Variants in SBNO2 observed in about 807,000 individuals in gnomAD.
The protein encoded by SBNO2 is protein strawberry notch homolog 2.
Under a neutral mutation model 146.3 loss-of-function variants are expected in SBNO2, and 89 were observed. That is an observed-to-expected ratio of 0.61 (90% confidence interval 0.51 to 0.73). The LOEUF is 0.73. SBNO2 is among the 30% of genes least tolerant of loss of function. The pLI is 0.00. For synonymous variants in SBNO2, 1,147 were observed against 892.6 expected (o/e 1.29, Z -5.08); for missense variants, 2,092 against 2,003.7 (o/e 1.04, Z -0.84).
chr19:1,109,856 G>T lies in SBNO2; in HGVS notation c.3029-79C>A. On this transcript the variant is annotated intron_variant, in intron 26 of 31. Transcript: ENST00000361757. The surrounding 1 kb of genome is among the most constrained non-coding windows in gnomAD (Gnocchi z 4.2). The stretch of plus-strand genomic sequence containing the variant: ...GGCCAGGGTCAGTCCCGTAGCCGGG[G>T]CGCACCCTAGAGACGACCCCCCGAG... 9.0e-7 allele frequency: 1 copy of T among 1,108,222 alleles called. No individual in the cohort carries two copies. Among genetic ancestry groups the T allele is most frequent in the Non-Finnish European group, 1.3e-6 (1 of 772,360 alleles). The allele number at this position is 1,108,222 out of a possible 1,614,324, so 68.6% of individuals were successfully genotyped here.
chr19:1,147,452 T>TGGGGGGGGGGGGG (rs2080203522), intron 3 of SBNO2, 32 bp from the exon 4 acceptor site: 1 of 904,448 alleles, frequency 1.1e-6, no homozygotes, highest in African/African-American at 2.0e-5. Context: ...GGAGGTGAGA[T>TGGGGGGGGGGGGG]GGGGTGCTCA....
At position 1,136,529 on chromosome 19, in the gene SBNO2, G is replaced by C. The variant is rs940798792; in HGVS notation, c.280-8764C>G. On this transcript the variant is annotated intron_variant, in intron 4 of 31. Transcript: ENST00000361757. The surrounding 1 kb of genome is among the most constrained non-coding windows in gnomAD (Gnocchi z 4.2). The stretch of plus-strand genomic sequence containing the variant: ...GCCCTGGGCGGAGGCTCCTCCTCCC[G>C]GGGGGGCTGTGGCCTCAGCACAGAC... Among the ~76,000 whole-genome samples, 2 of 152,258 alleles carry C rather than the reference G, an allele frequency of 1.3e-5. No homozygotes were observed. Among genetic ancestry groups the C allele is most frequent in the African/African-American group, 4.8e-5 (2 of 41,558 alleles).
rs778514504 is a variant in SBNO2, at chr19:1,123,628, C to T, written c.534G>A (p.Val178=). ...PLLVSYQEQS[V]QSQPEEEDEA... ...CGTCCTCCTCCTCTGGCTGGCTCTG[C>T]ACACTCTGCTCCTGCGTGCGTGGCG... The change falls in exon 7 of 32, where the codon GTG becomes GTA. Residue 178 remains valine (V), a synonymous_variant. Coordinates refer to ENST00000361757, the MANE Select transcript of SBNO2 (RefSeq NM_014963.3). The T allele has an allele frequency of 1.2e-6, 2 of 1,612,538 alleles. No individual in the cohort carries two copies. Among genetic ancestry groups the T allele is most frequent in the Non-Finnish European group, 1.7e-6 (2 of 1,179,550 alleles).
chr19:1,139,011 T>C (rs1264803438), intron 4 of SBNO2, among the ~76,000 whole-genome samples: 4 of 151,670 alleles, frequency 2.6e-5, no homozygotes, highest in African/African-American at 9.7e-5. Flanking sequence ...ACAGACACTG[T>C]GGTACCTGGT....
Position 1,109,806 on chromosome 19 carries a change from GT to G in SBNO2, c.3029-30del. 6.6e-7 allele frequency: 1 copy of G among 1,521,588 alleles called. No individual in the cohort carries two copies. The highest frequency in any genetic ancestry group is 1.2e-5 in the South Asian group (1 of 81,454). The allele number at this position is 1,521,588 out of a possible 1,614,324, so 94.3% of individuals were successfully genotyped here. A position where few individuals can be genotyped will look rare whatever the true frequency, so the allele number is the denominator to read the frequency against. On this transcript the variant is annotated intron_variant, in intron 26 of 31. Coordinates refer to ENST00000361757, the MANE Select transcript of SBNO2 (RefSeq NM_014963.3). This position sits in a 1 kb window ranked among gnomAD's most constrained non-coding sequence, Gnocchi z 4.2. ...GGGGGGCGGGTGGAGGGTAAGTGGT[GT>G]CCAGGCCTGGGACTGTGGGCTGGGG...
intron 5 of SBNO2, among the ~76,000 whole-genome samples, chr19:1,124,304 C>A (rs73918330): frequency 6.6e-6 from 1 of 152,112 alleles, no homozygotes; most frequent in Non-Finnish European, 1.5e-5. Context: ...CTGGAGTGCC[C>A]GGGAGGAAGG....
At chr19:1,153,050 G>A (rs1167739110) in intron 2 of SBNO2, among the ~76,000 whole-genome samples, 3 of 151,836 alleles carry the variant, frequency 2.0e-5, no homozygotes, top group African/African-American at 2.4e-5. Flanking sequence ...AGCTACTCAG[G>A]AGGCTGAGGC....
Position 1,157,158 on chromosome 19 carries a change from T to C in SBNO2, c.-126-2756A>G, listed in dbSNP as rs2080298619. Among the ~76,000 whole-genome samples, 1 of 151,474 alleles carries C rather than the reference T, an allele frequency of 6.6e-6. No individual in the cohort carries two copies. The highest frequency in any genetic ancestry group is 2.4e-5 in the African/African-American group (1 of 41,216). ...CCCCCAAGGGCTGGCTCCCACCCCATGGTCCTGAGCCCTCCGGACCCTTCC... is the reference window on the plus strand; with the variant it reads ...CCCCCAAGGGCTGGCTCCCACCCCACGGTCCTGAGCCCTCCGGACCCTTCC... On this transcript the variant is annotated intron_variant, in intron 1 of 31. Transcript: ENST00000361757. This position sits in a 1 kb window ranked among gnomAD's most constrained non-coding sequence, Gnocchi z 6.8.
In SBNO2 at chr19:1,136,581, G is replaced by A. The variant is rs1252222982; in HGVS notation, c.280-8816C>T. On this transcript the variant is annotated intron_variant, in intron 4 of 31. Coordinates refer to ENST00000361757, the MANE Select transcript of SBNO2 (RefSeq NM_014963.3). This position sits in a 1 kb window ranked among gnomAD's most constrained non-coding sequence, Gnocchi z 4.2. ...AGGGGACAGAAGGTGGCTCTTCTTG[G>A]CCTTGGCTGGGTGTGAACCAAAGAC... 6.6e-6 allele frequency among the ~76,000 whole-genome samples: 1 copy of A among 152,202 alleles called. No individual in the cohort carries two copies. The highest frequency in any genetic ancestry group is 1.9e-4 in the East Asian group (1 of 5,186).
At chr19:1,123,696 G>A in intron 6 of SBNO2, 57 bp from the exon 7 acceptor site, 1 of 1,512,542 alleles carries the variant, frequency 6.6e-7, no homozygotes, top group Non-Finnish European at 9.0e-7. Flanking sequence ...CGCGGGCACT[G>A]GGCTCCCCCA....
intron 1 of SBNO2, among the ~76,000 whole-genome samples, chr19:1,163,468 C>A (rs2080369640): frequency 6.6e-6 from 1 of 152,224 alleles, no homozygotes; most frequent in African/African-American, 2.4e-5. Context: ...AGCACTGCTG[C>A]GGCCGCCACG....
chr19:1,119,255 C>CG, intron 13 of SBNO2, 91 bp from the exon 14 acceptor site: 2 of 1,455,008 alleles, frequency 1.4e-6, no homozygotes, highest in Non-Finnish European at 1.8e-6. Flanking sequence ...GCAGAGAGGG[C>CG]GGGGTCGGCA....
At chr19:1,138,499 A>C (rs1012204692) in intron 4 of SBNO2, among the ~76,000 whole-genome samples, 2 of 152,000 alleles carry the variant, frequency 1.3e-5, no homozygotes, top group Admixed American at 6.6e-5. Flanking sequence ...GCTGCTGTCA[A>C]CCCATACCTA....
In SBNO2 at chr19:1,158,634, C is replaced by T. The variant is rs888831900; in HGVS notation, c.-126-4232G>A. 6.6e-6 allele frequency among the ~76,000 whole-genome samples: 1 copy of T among 152,174 alleles called. No homozygotes were observed. Among genetic ancestry groups the T allele is most frequent in the Non-Finnish European group, 1.5e-5 (1 of 68,026 alleles). On this transcript the variant is annotated intron_variant, in intron 1 of 31. Coordinates refer to ENST00000361757, the MANE Select transcript of SBNO2 (RefSeq NM_014963.3). The surrounding 1 kb of genome is among the most constrained non-coding windows in gnomAD (Gnocchi z 9.9). ...AGGTCTGAGGAGGAGGCGGCGAGGC[C>T]CGGGCGAGCGGGCGCGACCGTGGTG...
rs1281893422 is a variant in SBNO2, at chr19:1,111,038, G to A, written c.2865C>T (p.Gly955=). The A allele has an allele frequency of 1.3e-6, 2 of 1,575,264 alleles. No homozygotes were observed. The highest frequency in any genetic ancestry group is 1.4e-5 in the African/African-American group (1 of 73,880). Residue 955 remains glycine (G), a synonymous_variant, in exon 25 of 32, where the codon GGC becomes GGT. Coordinates refer to ENST00000361757, the MANE Select transcript of SBNO2 (RefSeq NM_014963.3). ...VGIGGRESRN[G]CLDVEKDCSI... is the part of the protein sequence containing the mutation. ...ACTCACCCTTCTCCACGTCCAGGCA[G>A]CCATTCCGGGACTCCCGGCCACCAA... is the stretch of plus-strand genomic sequence containing the variant.
chr19:1,109,194 G>GGCCTCCTCC lies in SBNO2; in HGVS notation c.3357_3365dup (p.Glu1120_Ala1122dup). On this transcript the variant is annotated inframe_insertion, in exon 30 of 32. Transcript: ENST00000361757. This position sits in a 1 kb window ranked among gnomAD's most constrained non-coding sequence, Gnocchi z 4.2. ...CGTAGCCACTCTCCCAGGGCTCCTT[G>GGCCTCCTCC]GCCTCCTCCGCGGTGACCTAGGGAC... 6.4e-7 allele frequency: 1 copy of GGCCTCCTCC among 1,563,814 alleles called. No individual in the cohort carries two copies. Among genetic ancestry groups the GGCCTCCTCC allele is most frequent in the Non-Finnish European group, 8.7e-7 (1 of 1,155,152 alleles).
In SBNO2 at chr19:1,140,386, A is replaced by G. The variant is rs1225974687; in HGVS notation, c.279+6923T>C. ...GCACACCGCGGCAGGGGGCCCCACCAGGACACACGGGGCTGAGCCATCACC... is the reference window on the plus strand; with the variant it reads ...GCACACCGCGGCAGGGGGCCCCACCGGGACACACGGGGCTGAGCCATCACC... On this transcript the variant is annotated intron_variant, in intron 4 of 31. Coordinates refer to ENST00000361757, the MANE Select transcript of SBNO2 (RefSeq NM_014963.3). This position sits in a 1 kb window ranked among gnomAD's most constrained non-coding sequence, Gnocchi z 4.4. Among the ~76,000 whole-genome samples the G allele has an allele frequency of 6.6e-6, 1 of 151,974 alleles. No homozygotes were observed. The highest frequency in any genetic ancestry group is 1.5e-5 in the Non-Finnish European group (1 of 68,004).
chr19:1,159,422 G>T (rs1164188026), intron 1 of SBNO2, among the ~76,000 whole-genome samples: 2 of 140,452 alleles, frequency 1.4e-5, no homozygotes, highest in Non-Finnish European at 3.1e-5. Flanking sequence ...GGTCAGCCCA[G>T]TGAGAGACCT....
intron 2 of SBNO2, among the ~76,000 whole-genome samples, chr19:1,152,016 GC>G (rs2080246858): frequency 6.6e-6 from 1 of 152,166 alleles, no homozygotes. Flanking sequence ...GCTGGGCTGT[GC>G]GTGTGCGAAC....
Sources: gnomAD v4.1 joint callset for allele counts (sites outside exome capture counted in the v4.1 genomes callset) on GRCh38, gnomAD v4.1.1 for gene constraint, Gnocchi (gnomAD v3.1) non-coding constraint, MANE v1.5 for transcripts, NCBI Gene and HGNC (gene_info 2026-07-23, HGNC 2026-07-21) for gene names.